The following ZCCHC14 variants were observed in gnomAD, a reference collection of about 807,000 sequenced individuals.
The protein encoded by ZCCHC14 is zinc finger CCHC-type containing 14.
In ZCCHC14, 16 loss-of-function variants were observed where a neutral mutation model predicts 85.0. The ratio of observed to expected loss-of-function variants is 0.19; its 90% confidence interval spans 0.13 to 0.29. ZCCHC14 has a LOEUF of 0.29. Among genes scored for constraint, ZCCHC14 ranks in the 10% least tolerant of loss-of-function variants. The pLI, the probability that ZCCHC14 is intolerant of heterozygous loss-of-function variation, is 1.00. For missense variants in ZCCHC14, 1,303 were observed against 1,443.5 expected, an observed-to-expected ratio of 0.90 and a Z score of 1.58; for synonymous variants, 775 against 630.7, an observed-to-expected ratio of 1.23 and a Z score of -3.43.
Position 87,433,204 on chromosome 16 carries a change from G to A in ZCCHC14, c.695-3C>T. On this transcript the variant is annotated splice_polypyrimidine_tract_variant and splice_region_variant and intron_variant, in intron 2 of 12. Coordinates refer to ENST00000671377, the MANE Select transcript of ZCCHC14 (RefSeq NM_015144.3). ...CAGGTCTATCTTTTCAACACTCACT[G>A]TAAAAGTAAAACAAAAAACAAAAAT... 2 of 1,613,148 alleles carry A rather than the reference G, an allele frequency of 1.2e-6. No individual in the cohort carries two copies. The highest frequency in any genetic ancestry group is 1.7e-6 in the Non-Finnish European group (2 of 1,179,474).
rs1306063995 is a variant in ZCCHC14, at chr16:87,423,824, C to T, written c.826G>A (p.Glu276Lys). 2 of 1,613,920 alleles carry T rather than the reference C, an allele frequency of 1.2e-6. No individual in the cohort carries two copies. The highest frequency in any genetic ancestry group is 2.2e-5 in the East Asian group (1 of 44,878). ...SVTKSSSEVT[E>K]FISKLCQLYP... ...GATTACCTTACCTTTGAAATAAATT[C>T]CGTCACTTCAGAGGAAGATTTGGTT... The change falls in exon 4 of 13, where the codon GAA becomes AAA. Residue 276 changes from glutamate to lysine, a missense_variant. This residue lies in a region of ZCCHC14 where 389 missense variants were observed against 397.8 expected (regional missense o/e 0.98). Transcript: ENST00000671377.
At chr16:87,450,295 T>C (rs184280683) in intron 2 of ZCCHC14, among the ~76,000 whole-genome samples, 1 of 152,378 alleles carries the variant, frequency 6.6e-6, no homozygotes, top group African/African-American at 2.4e-5. Context: ...CTCACTTTCA[T>C]TTGCTTGTCT....
At chr16:87,482,504 G>A (rs1307758970) in intron 1 of ZCCHC14, among the ~76,000 whole-genome samples, 1 of 152,170 alleles carries the variant, frequency 6.6e-6, no homozygotes, top group Non-Finnish European at 1.5e-5. Context: ...GCGCCTCACA[G>A]CCATATTTAT....
At chr16:87,473,467 T>G (rs1379807006) in intron 1 of ZCCHC14, 1 of 152,256 alleles carries the variant, frequency 6.6e-6, no homozygotes, top group Non-Finnish European at 1.5e-5. Context: ...CCTCCCAAAG[T>G]GCTGGGATTA....
rs556954569 is a variant in ZCCHC14, at chr16:87,420,392, G to A, written c.950+215C>T. ...CCCAAGACGTGGTGGGACCCACCCT[G>A]GAATTCCCTTCCTCACACACTCAGA... is the stretch of plus-strand genomic sequence containing the variant. On this transcript the variant is annotated intron_variant, in intron 5 of 12. Coordinates refer to ENST00000671377, the MANE Select transcript of ZCCHC14 (RefSeq NM_015144.3). The surrounding 1 kb of genome is among the most constrained non-coding windows in gnomAD (Gnocchi z 5.0). Among the ~76,000 whole-genome samples the A allele has an allele frequency of 1.3e-5, 2 of 152,310 alleles. No individual in the cohort carries two copies. Among genetic ancestry groups the A allele is most frequent in the East Asian group, 3.9e-4 (2 of 5,188 alleles).
intron 2 of ZCCHC14, among the ~76,000 whole-genome samples, chr16:87,440,693 ACCT>A (rs1235264368): frequency 6.6e-6 from 1 of 151,164 alleles, no homozygotes; most frequent in African/African-American, 2.4e-5. Context: ...TGCAGCCTCG[ACCT>A]CCTGGGTCCA....
chr16:87,450,276 A>G (rs1412234330), intron 2 of ZCCHC14, among the ~76,000 whole-genome samples: 6 of 152,192 alleles, frequency 3.9e-5, no homozygotes, highest in Non-Finnish European at 8.8e-5. Context: ...TAAAATATCA[A>G]CTGACTTTCT....
chr16:87,461,897 A>G (rs1248931277), intron 1 of ZCCHC14, among the ~76,000 whole-genome samples: 3 of 152,188 alleles, frequency 2.0e-5, no homozygotes, highest in Admixed American at 6.5e-5. Context: ...GGACTAACAG[A>G]TCCCACGCGG....
intron 1 of ZCCHC14, among the ~76,000 whole-genome samples, chr16:87,464,908 A>G (rs1281404404): frequency 6.6e-6 from 1 of 152,188 alleles, no homozygotes; most frequent in Non-Finnish European, 1.5e-5. Flanking sequence ...TGTGCACGAG[A>G]GGGAAGACTG....
At chr16:87,464,434 T>A (rs372445333) in intron 1 of ZCCHC14, among the ~76,000 whole-genome samples, 3 of 152,084 alleles carry the variant, frequency 2.0e-5, no homozygotes, top group Non-Finnish European at 4.4e-5. Flanking sequence ...ACTGCACCCA[T>A]CATCCGGTCC....
rs1413360034 is a variant in ZCCHC14, at chr16:87,408,695, A to C, written c.*1585T>G. The C allele has an allele frequency of 6.6e-6, 1 of 152,550 alleles. No individual in the cohort carries two copies. Among genetic ancestry groups the C allele is most frequent in the South Asian group, 2.1e-4 (1 of 4,822 alleles). The allele number at this position is 152,550 out of a possible 1,614,324, so 9.4% of individuals were successfully genotyped here. ...AGCCTGTCATAAAAAAAATGTAACA[A>C]CTTTCTGCTTTAGTTTCTATGAAGT... On this transcript the variant is annotated 3_prime_UTR_variant, in exon 13 of 13. Coordinates refer to ENST00000671377, the MANE Select transcript of ZCCHC14 (RefSeq NM_015144.3).
chr16:87,428,979 C>T (rs1473167054), intron 3 of ZCCHC14, among the ~76,000 whole-genome samples: 1 of 152,236 alleles, frequency 6.6e-6, no homozygotes, highest in Admixed American at 6.5e-5. Flanking sequence ...TCGTTGTTGA[C>T]AGTCTTGGAA....
At chr16:87,459,578 T>C (rs1439955755) in intron 2 of ZCCHC14, among the ~76,000 whole-genome samples, 3 of 151,146 alleles carry the variant, frequency 2.0e-5, no homozygotes, top group Non-Finnish European at 4.4e-5. Context: ...GGCGTGATCT[T>C]GGCTTACCAC....
chr16:87,436,508 C>G (rs1215788089), intron 2 of ZCCHC14, among the ~76,000 whole-genome samples: 2 of 152,214 alleles, frequency 1.3e-5, no homozygotes, highest in Admixed American at 1.3e-4. Flanking sequence ...GAGTCAAGGT[C>G]AGGAAAGATT....
rs1423759447 is a variant in ZCCHC14, at chr16:87,408,648, A to T, written c.*1632T>A. ...CATAGAAATAAAATTCAACTAAAATAAAACTAAAAAATTCTACTAAAAGCC... is the reference window on the plus strand; with the variant it reads ...CATAGAAATAAAATTCAACTAAAATTAAACTAAAAAATTCTACTAAAAGCC... On this transcript the variant is annotated 3_prime_UTR_variant, in exon 13 of 13. Coordinates refer to ENST00000671377, the MANE Select transcript of ZCCHC14 (RefSeq NM_015144.3). The T allele has an allele frequency of 6.6e-6, 1 of 152,600 alleles. No individual in the cohort carries two copies. Among genetic ancestry groups the T allele is most frequent in the African/African-American group, 2.4e-5 (1 of 41,460 alleles). The allele number at this position is 152,600 out of a possible 1,614,324, so 9.5% of individuals were successfully genotyped here.
chr16:87,483,929 G>A (rs921322043), intron 1 of ZCCHC14, among the ~76,000 whole-genome samples: 7 of 152,170 alleles, frequency 4.6e-5, no homozygotes, highest in South Asian at 2.1e-4. Flanking sequence ...GTAATAATAC[G>A]ATGGAACAAA....
chr16:87,452,706 G>A (rs75944478), intron 2 of ZCCHC14, among the ~76,000 whole-genome samples: 7,698 of 152,206 alleles, frequency 0.051, 662 homozygotes, highest in African/African-American at 0.17. Context: ...TTTGGGGCAG[G>A]GCAGTCACAA....
chr16:87,490,356 T>G (rs1174119471), intron 1 of ZCCHC14, among the ~76,000 whole-genome samples: 1 of 152,256 alleles, frequency 6.6e-6, no homozygotes, highest in African/African-American at 2.4e-5. Flanking sequence ...AAAGAGACAC[T>G]GAGCAAGACT....
rs375898789 is a variant in ZCCHC14, at chr16:87,413,214, G to A, written c.1604-19C>T. On this transcript the variant is annotated intron_variant, in intron 10 of 12. Transcript: ENST00000671377. Reference sequence around the variant, plus strand: ...CGCAGCTCTGCAGAAAAGGGACAGAGGAGCAGCCATCAACTAGCGCCCCTG... The same window carrying A: ...CGCAGCTCTGCAGAAAAGGGACAGAAGAGCAGCCATCAACTAGCGCCCCTG... 239 of 1,520,248 alleles carry A rather than the reference G, an allele frequency of 1.6e-4. No individual in the cohort carries two copies. The highest frequency in any genetic ancestry group is 1.8e-4 in the Non-Finnish European group (210 of 1,136,244). 94.2% of individuals were successfully genotyped at this position (1,520,248 alleles called of 1,614,324 possible).
Sources: gnomAD v4.1 joint callset for allele counts (sites outside exome capture counted in the v4.1 genomes callset) on GRCh38, gnomAD v4.1.1 for gene constraint, gnomAD v4.1.1 regional missense constraint, Gnocchi (gnomAD v3.1) non-coding constraint, MANE v1.5 for transcripts, NCBI Gene and HGNC (gene_info 2026-07-23, HGNC 2026-07-21) for gene names.